Variants in CNTNAP5 observed in about 807,000 individuals in gnomAD.
The protein encoded by CNTNAP5 is contactin associated protein family member 5.
In CNTNAP5, 72 loss-of-function variants were observed where a neutral mutation model predicts 150.2. The observed-to-expected ratio is 0.48, with a 90% CI of 0.40 to 0.58. The LOEUF is 0.58. CNTNAP5 is among the 20% of genes least tolerant of loss of function. The pLI is 0.00. For missense variants in CNTNAP5, 1,636 were observed against 1,626.2 expected, an observed-to-expected ratio of 1.01 and a Z score of -0.10; for synonymous variants, 672 against 619.8, an observed-to-expected ratio of 1.08 and a Z score of -1.25.
intron 1 of CNTNAP5, among the ~76,000 whole-genome samples, chr2:124,153,593 C>T (rs1045869456): frequency 7.4e-4 from 111 of 150,704 alleles, no homozygotes; most frequent in African/African-American, 2.6e-3. Context: ...GGCAAGAAAG[C>T]CCCCCGGGAC....
At chr2:124,614,093 G>A (rs1279188342) in intron 12 of CNTNAP5, among the ~76,000 whole-genome samples, 1 of 152,136 alleles carries the variant, frequency 6.6e-6, no homozygotes, top group East Asian at 1.9e-4. Context: ...ATAAGGTTCA[G>A]CCAATATAAT....
chr2:124,840,935 T>C (rs924578548), intron 19 of CNTNAP5, among the ~76,000 whole-genome samples: 1 of 152,092 alleles, frequency 6.6e-6, no homozygotes, highest in Non-Finnish European at 1.5e-5. Flanking sequence ...GTTACATCAT[T>C]GACATCTTTA....
intron 13 of CNTNAP5, among the ~76,000 whole-genome samples, chr2:124,692,668 A>AT (rs1194779502): frequency 1.3e-5 from 2 of 152,192 alleles, no homozygotes; most frequent in Non-Finnish European, 2.9e-5. Flanking sequence ...TTAGCTCCAG[A>AT]TTTTTTCTCC....
chr2:124,673,790 A>G (rs1312348123), intron 13 of CNTNAP5, among the ~76,000 whole-genome samples: 2 of 151,852 alleles, frequency 1.3e-5, no homozygotes, highest in African/African-American at 4.8e-5. Context: ...GATCCTCTAG[A>G]CAATTTTTCT....
At chr2:124,136,562 A>G (rs1573781140) in intron 1 of CNTNAP5, among the ~76,000 whole-genome samples, 2 of 152,200 alleles carry the variant, frequency 1.3e-5, no homozygotes, top group Non-Finnish European at 2.9e-5. Context: ...TGAGCATCTC[A>G]TGTAATTTAC....
intron 21 of CNTNAP5, among the ~76,000 whole-genome samples, chr2:124,884,050 T>G (rs1678027831): frequency 6.6e-6 from 1 of 152,102 alleles, no homozygotes; most frequent in African/African-American, 2.4e-5. Flanking sequence ...CATGTTCCAC[T>G]CTGTGTGTAT....
intron 13 of CNTNAP5, among the ~76,000 whole-genome samples, chr2:124,712,858 T>A (rs567687322): frequency 3.3e-5 from 5 of 152,120 alleles, no homozygotes; most frequent in African/African-American, 1.2e-4. Flanking sequence ...AGGATCTTCC[T>A]GCCTCAGCCT....
chr2:124,732,919 C>T (rs1408518505), intron 13 of CNTNAP5, among the ~76,000 whole-genome samples: 2 of 152,088 alleles, frequency 1.3e-5, no homozygotes, highest in Admixed American at 6.6e-5. Flanking sequence ...GATTAAAAGA[C>T]TCAGAATATA....
chr2:124,086,274 G>C (rs916967268), intron 1 of CNTNAP5, among the ~76,000 whole-genome samples: 2 of 133,738 alleles, frequency 1.5e-5, no homozygotes, highest in Non-Finnish European at 3.0e-5. Context: ...TCGGCTCATT[G>C]CAAGCTCCGC....
intron 6 of CNTNAP5, among the ~76,000 whole-genome samples, chr2:124,471,791 C>T (rs1693521893): frequency 2.0e-5 from 3 of 151,972 alleles, no homozygotes; most frequent in Admixed American, 6.6e-5. Flanking sequence ...TGAATTTTAC[C>T]AAAGGCCTTT....
chr2:124,242,207 C>T lies in CNTNAP5; in HGVS notation c.195C>T (p.Gly65=), dbSNP rs146843368. The T allele has an allele frequency of 2.1e-5, 33 of 1,585,958 alleles. No homozygotes were observed. The highest frequency in any genetic ancestry group is 1.7e-4 in the African/African-American group (13 of 74,418). Residue 65 remains glycine, a synonymous_variant, in exon 3 of 24, where the codon GGC becomes GGT. Transcript: ENST00000682447. ...TCTCTGATCCTGTTCCAGGAACTGG[C>T]GGTTGGTCCCCAGCAGATTCCAATG... ...PAQLNWRVGT[G]GWSPADSNAQ... is the part of the protein sequence containing the mutation.
chr2:124,246,560 G>A lies in CNTNAP5; in HGVS notation c.381+4167G>A, dbSNP rs532304652. ...GGGCAGCAACATGAGCCAATGCTTG[G>A]TAAAGTGGGTAAACTTGTTTGGAAC... On this transcript the variant is annotated intron_variant, in intron 3 of 23. Coordinates refer to ENST00000682447, the MANE Select transcript of CNTNAP5 (RefSeq NM_001367498.1). Among the ~76,000 whole-genome samples, 8 of 152,250 alleles carry A rather than the reference G, an allele frequency of 5.3e-5. No individual in the cohort carries two copies. In the East Asian group the frequency reaches 1.4e-3, roughly 26 times the overall value.
At chr2:124,759,247 A>G (rs1456518248) in intron 14 of CNTNAP5, among the ~76,000 whole-genome samples, 5 of 151,428 alleles carry the variant, frequency 3.3e-5, no homozygotes, top group Non-Finnish European at 7.4e-5. Flanking sequence ...AGTATGGTGT[A>G]TAGTCTAATA....
chr2:124,164,737 G>A (rs1190281724), intron 1 of CNTNAP5, among the ~76,000 whole-genome samples: 1 of 152,146 alleles, frequency 6.6e-6, no homozygotes, highest in African/African-American at 2.4e-5. Context: ...ATAAGGAAAT[G>A]TGGATTTCAT....
intron 19 of CNTNAP5, among the ~76,000 whole-genome samples, chr2:124,851,130 C>A (rs989932819): frequency 1.3e-5 from 2 of 152,056 alleles, no homozygotes; most frequent in African/African-American, 2.4e-5. Flanking sequence ...TTTGGGAGGC[C>A]GAGGCAGGTG....
At chr2:124,534,766 T>C (rs748362818) in intron 10 of CNTNAP5, among the ~76,000 whole-genome samples, 2 of 152,128 alleles carry the variant, frequency 1.3e-5, no homozygotes, top group Non-Finnish European at 2.9e-5. Context: ...AGAGATCACT[T>C]TCATCTTGAC....
chr2:124,781,923 G>A (rs1272944607), intron 17 of CNTNAP5, among the ~76,000 whole-genome samples: 3 of 152,162 alleles, frequency 2.0e-5, no homozygotes, highest in African/African-American at 7.2e-5. Flanking sequence ...GCCCTGAAGG[G>A]CAGATTCAGG....
Position 124,221,798 on chromosome 2 carries a change from A to G in CNTNAP5, c.176A>G (p.Asn59Ser), listed in dbSNP as rs1242508041. ...GGCACTCACAGCCCAGCTCAACTCA[A>G]CTGGAGAGTTGGTAAGTAGGCTGAC... ...LTGTHSPAQL[N>S]WRVGTGGWSP... The change falls in exon 2 of 24, where the codon AAC (asparagine) becomes AGC (serine). Residue 59 changes from asparagine to serine, a missense_variant. Asn to Ser is a conservative substitution (Grantham distance 46). Coordinates refer to ENST00000682447, the MANE Select transcript of CNTNAP5 (RefSeq NM_001367498.1). The G allele has an allele frequency of 2.5e-6, 4 of 1,603,396 alleles. No individual in the cohort carries two copies. Among genetic ancestry groups the G allele is most frequent in the Non-Finnish European group, 2.6e-6 (3 of 1,172,820 alleles).
chr2:124,470,653 C>T (rs1296483432), intron 6 of CNTNAP5, among the ~76,000 whole-genome samples: 1 of 152,076 alleles, frequency 6.6e-6, no homozygotes, highest in African/African-American at 2.4e-5. Flanking sequence ...GTGCCTATGT[C>T]CTGAATGCTA....
Sources: allele counts gnomAD v4.1 joint callset (sites outside exome capture counted in the v4.1 genomes callset), GRCh38; gene constraint gnomAD v4.1.1; transcripts MANE v1.5; gene names NCBI Gene and HGNC (gene_info 2026-07-23, HGNC 2026-07-21).